The following SPECC1 variants were observed in gnomAD, a reference collection of about 807,000 sequenced individuals.
SPECC1 encodes the protein cytospin-B.
SPECC1 carries 62 observed loss-of-function variants against 104.1 expected under a neutral mutation model. The observed-to-expected ratio is 0.60, with a 90% CI of 0.49 to 0.74. SPECC1 has a LOEUF of 0.74. Ranked by LOEUF, SPECC1 falls within the 30% of genes least tolerant of loss-of-function variation. SPECC1 has a pLI of 0.00. For missense variants in SPECC1, 1,306 were observed against 1,310.5 expected, an observed-to-expected ratio of 1.00 and a Z score of 0.05; for synonymous variants, 513 against 501.6, an observed-to-expected ratio of 1.02 and a Z score of -0.30.
intron 7 of SPECC1, among the ~76,000 whole-genome samples, chr17:20,233,335 T>C (rs576846198): frequency 6.6e-6 from 1 of 152,296 alleles, no homozygotes; most frequent in African/African-American, 2.4e-5. Context: ...GATCTGATGT[T>C]TGGTTATCAT....
intron 3 of SPECC1, among the ~76,000 whole-genome samples, chr17:20,129,985 C>T (rs1027650945): frequency 2.6e-5 from 4 of 151,982 alleles, no homozygotes; most frequent in Non-Finnish European, 5.9e-5. Flanking sequence ...AACTCCTGAC[C>T]TCAGGTGATC....
At chr17:20,207,827 C>T (rs1488710442) in intron 4 of SPECC1, among the ~76,000 whole-genome samples, 2 of 152,130 alleles carry the variant, frequency 1.3e-5, no homozygotes, top group African/African-American at 4.8e-5. Flanking sequence ...GTATGTCTGT[C>T]CACATTCCAT....
intron 7 of SPECC1, chr17:20,238,041 C>G: frequency 9.8e-7 from 1 of 1,022,022 alleles, no homozygotes. Flanking sequence ...CATGTCTGGC[C>G]CCTTCTGTGG....
Position 20,032,936 on chromosome 17 carries a change from G to GCA in SPECC1, c.-22+23529_-22+23530dup, listed in dbSNP as rs149393057. Among the ~76,000 whole-genome samples, 1,274 of 147,720 alleles carry GCA rather than the reference G, an allele frequency of 8.6e-3. 4 individuals are homozygous for GCA. Among genetic ancestry groups the GCA allele is most frequent in the African/African-American group, 0.012 (490 of 40,330 alleles). On this transcript the variant is annotated intron_variant, in intron 1 of 14. Coordinates refer to ENST00000395527, the MANE Select transcript of SPECC1 (RefSeq NM_001243439.2). The stretch of plus-strand genomic sequence containing the variant: ...TGTATGTGTATATACACACACGCGC[G>GCA]CACACACACACACACACATATATAT...
At chr17:20,201,022 G>C (rs925484289) in intron 3 of SPECC1, among the ~76,000 whole-genome samples, 2 of 152,008 alleles carry the variant, frequency 1.3e-5, no homozygotes, top group African/African-American at 4.8e-5. Flanking sequence ...GTATAGATAA[G>C]GCAGAAGTAA....
chr17:20,093,206 G>A (rs2047481955), intron 1 of SPECC1, among the ~76,000 whole-genome samples: 1 of 152,172 alleles, frequency 6.6e-6, no homozygotes, highest in South Asian at 2.1e-4. Context: ...CACTAGATTT[G>A]GTATCTGGCA....
chr17:20,178,310 G>A (rs1231396199), intron 3 of SPECC1, among the ~76,000 whole-genome samples: 2 of 152,076 alleles, frequency 1.3e-5, no homozygotes, highest in Non-Finnish European at 2.9e-5. Flanking sequence ...AAATGTTCCC[G>A]TGTCTAGGTG....
intron 7 of SPECC1, among the ~76,000 whole-genome samples, chr17:20,240,550 T>C (rs995397262): frequency 6.6e-6 from 1 of 152,182 alleles, no homozygotes; most frequent in Admixed American, 6.5e-5. Flanking sequence ...TGCACACACA[T>C]ATGCAGGCCA....
chr17:20,188,897 C>T lies in SPECC1; in HGVS notation c.284-15436C>T, dbSNP rs147741146. ...ATTAATAGAAATAAACAGGATTTTGCGTGCCCAGTCCATCTAATTATCTAA... is the reference window on the plus strand; with the variant it reads ...ATTAATAGAAATAAACAGGATTTTGTGTGCCCAGTCCATCTAATTATCTAA... On this transcript the variant is annotated intron_variant, in intron 3 of 14. Coordinates refer to ENST00000395527, the MANE Select transcript of SPECC1 (RefSeq NM_001243439.2). 6.8e-3 allele frequency among the ~76,000 whole-genome samples: 1,042 copies of T among 152,250 alleles called. 11 individuals carry two copies. Among genetic ancestry groups the T allele is most frequent in the African/African-American group, 0.024 (982 of 41,554 alleles).
intron 3 of SPECC1, among the ~76,000 whole-genome samples, chr17:20,136,721 C>A (rs1020378221): frequency 1.3e-5 from 2 of 152,116 alleles, no homozygotes; most frequent in Non-Finnish European, 2.9e-5. Flanking sequence ...TCTGCACGTG[C>A]GCATTTTCTC....
chr17:20,055,902 C>T (rs959562069), intron 1 of SPECC1, among the ~76,000 whole-genome samples: 1 of 152,208 alleles, frequency 6.6e-6, no homozygotes, highest in Non-Finnish European at 1.5e-5. Context: ...CTCTCTGGAG[C>T]ATGCACCTTG....
At chr17:20,020,399 G>A (rs1456698510) in intron 1 of SPECC1, among the ~76,000 whole-genome samples, 1 of 150,034 alleles carries the variant, frequency 6.7e-6, no homozygotes, top group Non-Finnish European at 1.5e-5. Context: ...GCAATGGTGT[G>A]ATCTCGGCTC....
At chr17:20,283,643 G>A (rs941913576) in intron 12 of SPECC1, among the ~76,000 whole-genome samples, 2 of 152,064 alleles carry the variant, frequency 1.3e-5, no homozygotes, top group Admixed American at 1.3e-4. Flanking sequence ...CTGGAGTGTA[G>A]TGGCACGATC....
intron 12 of SPECC1, among the ~76,000 whole-genome samples, chr17:20,273,373 G>A (rs2040469810): frequency 6.6e-6 from 1 of 152,026 alleles, no homozygotes; most frequent in Admixed American, 6.5e-5. Flanking sequence ...AACTGCTTGG[G>A]AGGCTGAGGC....
chr17:20,060,531 T>C (rs1158201877), intron 1 of SPECC1, among the ~76,000 whole-genome samples: 1 of 152,040 alleles, frequency 6.6e-6, no homozygotes, highest in Admixed American at 6.5e-5. Flanking sequence ...AAAAAAACAA[T>C]AGAGGACTCT....
intron 1 of SPECC1, among the ~76,000 whole-genome samples, chr17:20,020,616 G>A (rs1462997702): frequency 1.3e-5 from 2 of 152,218 alleles, no homozygotes; most frequent in African/African-American, 4.8e-5. Context: ...ACAGGCGTGA[G>A]CCTCCACGCC....
chr17:20,132,382 A>T (rs959485256), intron 3 of SPECC1, among the ~76,000 whole-genome samples: 2 of 152,166 alleles, frequency 1.3e-5, no homozygotes, highest in African/African-American at 2.4e-5. Flanking sequence ...TGGTATCAGG[A>T]TAATACTACT....
At chr17:20,042,353 A>T (rs543172230) in intron 1 of SPECC1, among the ~76,000 whole-genome samples, 1 of 152,014 alleles carries the variant, frequency 6.6e-6, no homozygotes, top group East Asian at 1.9e-4. Context: ...CACTGTCACC[A>T]TGGGGGAAGA....
chr17:20,302,352 C>T (rs1000272112), intron 13 of SPECC1, among the ~76,000 whole-genome samples: 1 of 152,174 alleles, frequency 6.6e-6, no homozygotes, highest in Non-Finnish European at 1.5e-5. Context: ...TCACCCTGCC[C>T]GGCTCCTGTG....
Sources: gnomAD v4.1 joint callset for allele counts (sites outside exome capture counted in the v4.1 genomes callset) on GRCh38, gnomAD v4.1.1 for gene constraint, MANE v1.5 for transcripts, NCBI Gene and HGNC (gene_info 2026-07-23, HGNC 2026-07-21) for gene names.